The following AGBL1 variants were observed in gnomAD, a reference collection of about 807,000 sequenced individuals.
AGBL1 encodes the protein AGBL carboxypeptidase 1, also known as cytosolic carboxypeptidase 4.
A neutral mutation model predicts 118.9 loss-of-function variants in AGBL1; 130 were observed. That is an observed-to-expected ratio of 1.09 (90% confidence interval 0.95 to 1.26). The LOEUF (loss-of-function observed/expected upper bound fraction) is 1.26, where lower values mean the gene tolerates loss of function less well. Among genes scored for constraint, AGBL1 ranks in the 50% most tolerant of loss-of-function variants. AGBL1 has a pLI of 0.00. For missense variants in AGBL1, 1,584 were observed against 1,298.1 expected, an observed-to-expected ratio of 1.22 and a Z score of -3.38; for synonymous variants, 555 against 478.9, an observed-to-expected ratio of 1.16 and a Z score of -2.08.
intron 1 of AGBL1, among the ~76,000 whole-genome samples, chr15:86,082,739 C>T (rs77091325): frequency 0.011 from 1,659 of 152,290 alleles, 10 homozygotes; most frequent in East Asian, 0.023. Flanking sequence ...ATCTCTGTCC[C>T]GAAGGTCTGA....
chr15:86,292,569 A>G (rs28504665), intron 16 of AGBL1, among the ~76,000 whole-genome samples: 3 of 152,158 alleles, frequency 2.0e-5, no homozygotes, highest in Non-Finnish European at 2.9e-5. Flanking sequence ...TTGACAAAGG[A>G]GAAAGAATGG....
At chr15:86,726,124 A>G (rs1160817919) in intron 22 of AGBL1, among the ~76,000 whole-genome samples, 1 of 152,218 alleles carries the variant, frequency 6.6e-6, no homozygotes, top group Non-Finnish European at 1.5e-5. Context: ...AAATTTTAAG[A>G]CTTTTGAATA....
chr15:86,279,999 G>A (rs887944618), intron 16 of AGBL1, among the ~76,000 whole-genome samples: 2 of 152,176 alleles, frequency 1.3e-5, no homozygotes, highest in Non-Finnish European at 2.9e-5. Context: ...GCTGAGCCTT[G>A]ATCAGTGACA....
intron 22 of AGBL1, among the ~76,000 whole-genome samples, chr15:86,827,397 ACATATATATATGTG>A (rs1398152103): frequency 1.0e-3 from 9 of 8,656 alleles, no homozygotes; most frequent in South Asian, 4.4e-3. Context: ...ATATATATAT[ACATATATATATGTG>A]TATATATATA....
chr15:86,166,468 C>T (rs927204471), intron 5 of AGBL1, among the ~76,000 whole-genome samples: 6 of 152,142 alleles, frequency 3.9e-5, no homozygotes, highest in South Asian at 2.1e-4. Flanking sequence ...GGGCCTCAGG[C>T]GACCCTACAC....
intron 19 of AGBL1, among the ~76,000 whole-genome samples, chr15:86,524,356 A>G (rs972937447): frequency 3.3e-5 from 5 of 152,202 alleles, no homozygotes; most frequent in African/African-American, 1.2e-4. Context: ...ACAGTGTATT[A>G]CCTTCAGAGG....
At chr15:87,011,938 T>C (rs1016163242) in intron 24 of AGBL1, among the ~76,000 whole-genome samples, 10 of 152,098 alleles carry the variant, frequency 6.6e-5, no homozygotes, top group Non-Finnish European at 1.2e-4. Flanking sequence ...GAGAACAAGC[T>C]GGTACATATT....
chr15:86,869,401 A>G (rs557262273), intron 22 of AGBL1, among the ~76,000 whole-genome samples: 2 of 152,292 alleles, frequency 1.3e-5, no homozygotes, highest in African/African-American at 4.8e-5. Context: ...CCTTGGATTA[A>G]TAATCATGGT....
intron 1 of AGBL1, among the ~76,000 whole-genome samples, chr15:86,115,674 A>G (rs1446652485): frequency 6.6e-6 from 1 of 151,990 alleles, no homozygotes; most frequent in Non-Finnish European, 1.5e-5. Flanking sequence ...TTTCTGTCTG[A>G]CTTGTCAGCA....
intron 22 of AGBL1, among the ~76,000 whole-genome samples, chr15:86,899,203 C>A (rs2080176118): frequency 6.6e-6 from 1 of 152,104 alleles, no homozygotes; most frequent in Non-Finnish European, 1.5e-5. Context: ...TACTATGCAG[C>A]CGTAAAAAAG....
At chr15:86,990,043 T>C (rs2141739173) in intron 24 of AGBL1, among the ~76,000 whole-genome samples, 1 of 152,360 alleles carries the variant, frequency 6.6e-6, no homozygotes, top group East Asian at 1.9e-4. Flanking sequence ...GCCAGAACTT[T>C]GGAGTTTTAT....
intron 1 of AGBL1, among the ~76,000 whole-genome samples, chr15:86,140,751 G>A (rs1008168864): frequency 3.3e-5 from 5 of 152,244 alleles, no homozygotes; most frequent in African/African-American, 1.2e-4. Flanking sequence ...AAGGAAAAGT[G>A]CGGCTGGAAG....
chr15:87,021,521 T>C (rs1015929554), intron 24 of AGBL1, among the ~76,000 whole-genome samples: 2 of 152,080 alleles, frequency 1.3e-5, no homozygotes, highest in African/African-American at 4.8e-5. Context: ...AAAGAGCTTC[T>C]GCACAGCAAA....
chr15:86,928,309 C>T (rs1241829427), intron 23 of AGBL1, among the ~76,000 whole-genome samples: 1 of 152,108 alleles, frequency 6.6e-6, no homozygotes, highest in African/African-American at 2.4e-5. Flanking sequence ...CAGAGAGAAG[C>T]AAAGGCAGAG....
At chr15:86,110,875 C>T (rs1005209219) in intron 1 of AGBL1, among the ~76,000 whole-genome samples, 2 of 152,202 alleles carry the variant, frequency 1.3e-5, no homozygotes, top group African/African-American at 4.8e-5. Context: ...ATCCCTCCCT[C>T]CCTTTCTCCT....
At chr15:86,108,824 G>A (rs1897199953) in intron 1 of AGBL1, among the ~76,000 whole-genome samples, 1 of 152,134 alleles carries the variant, frequency 6.6e-6, no homozygotes, top group Admixed American at 6.5e-5. Context: ...AGGCGTGGTG[G>A]CATGCACCTG....
At chr15:86,948,307 A>G (rs2080846553) in intron 23 of AGBL1, among the ~76,000 whole-genome samples, 1 of 152,246 alleles carries the variant, frequency 6.6e-6, no homozygotes, top group African/African-American at 2.4e-5. Flanking sequence ...TGACAGATTT[A>G]AAAAAGAACA....
At chr15:86,797,733 C>T (rs1474610320) in intron 22 of AGBL1, among the ~76,000 whole-genome samples, 2 of 152,022 alleles carry the variant, frequency 1.3e-5, no homozygotes, top group African/African-American at 4.8e-5. Context: ...ATATTTAAAG[C>T]ATGGGGCAGG....
chr15:86,264,902 G>A, intron 11 of AGBL1, 64 bp downstream of exon 11: 1 of 1,368,738 alleles, frequency 7.3e-7, no homozygotes. Flanking sequence ...TAAGTAAAAT[G>A]GTTTGTACAG....
Sources: allele counts gnomAD v4.1 joint callset (sites outside exome capture counted in the v4.1 genomes callset), GRCh38; gene constraint gnomAD v4.1.1; transcripts MANE v1.5; gene names NCBI Gene and HGNC (gene_info 2026-07-23, HGNC 2026-07-21).